The following PDE6B variants were observed in gnomAD, a reference collection of about 807,000 sequenced individuals.
PDE6B encodes the protein rod cGMP-specific 3',5'-cyclic phosphodiesterase subunit beta.
Under a neutral mutation model 109.0 loss-of-function variants are expected in PDE6B, and 106 were observed. The ratio of observed to expected loss-of-function variants is 0.97; its 90% CI spans 0.83 to 1.14. The LOEUF is 1.14. Among genes scored for constraint, PDE6B ranks in the 50% most tolerant of loss-of-function variants. The pLI, the probability that PDE6B is intolerant of heterozygous loss-of-function variation, is 0.00. For synonymous variants in PDE6B, 490 were observed against 471.3 expected (o/e 1.04, Z -0.51); for missense variants, 1,193 against 1,155.6 (o/e 1.03, Z -0.47).
Position 665,297 on chromosome 4 carries a change from T to C in PDE6B, c.2236T>C (p.Leu746=). The change falls in exon 19 of 22, where the codon TTG becomes CTG. Residue 746 remains leucine (L), a synonymous_variant. Coordinates refer to ENST00000496514, the MANE Select transcript of PDE6B (RefSeq NM_000283.4). This position sits in a 1 kb window ranked among gnomAD's most constrained non-coding sequence, Gnocchi z 4.0. The part of the protein sequence containing the change: ...VAAEFWEQGD[L]ERTVLDQQPI... Reference sequence around the variant, plus strand: ...TGCTGAGTTCTGGGAGCAAGGTGACTTGGAAAGGACAGTCTTGGATCAGCA... The same window carrying C: ...TGCTGAGTTCTGGGAGCAAGGTGACCTGGAAAGGACAGTCTTGGATCAGCA... The C allele has an allele frequency of 2.5e-6, 4 of 1,612,772 alleles. No individual in the cohort carries two copies. Among genetic ancestry groups the C allele is most frequent in the Non-Finnish European group, 3.4e-6 (4 of 1,179,484 alleles).
chr4:654,800 C>A (rs201367447), intron 5 of PDE6B, 24 bp from the exon 6 acceptor site: 3 of 1,330,586 alleles, frequency 2.3e-6, no homozygotes, highest in South Asian at 1.2e-5. Context: ...GGCAGCCCCC[C>A]GACCAGTGTC....
In PDE6B at chr4:670,239, ATT is replaced by A. The variant is rs374413250; in HGVS notation, c.*152_*153del. The A allele has an allele frequency of 0.024, 20,556 of 842,924 alleles. No homozygotes were observed. Among genetic ancestry groups the A allele is most frequent in the East Asian group, 0.052 (1,373 of 26,422 alleles). 52.2% of individuals were successfully genotyped at this position (842,924 alleles called of 1,614,324 possible). A position where few individuals can be genotyped will look rare whatever the true frequency, so the allele number is the denominator to read the frequency against. ...ACTGAAGATCATTCTGGATATTTTA[ATT>A]TTTTTTTTTTTTTTTTTTTGAGATG... On this transcript the variant is annotated 3_prime_UTR_variant, in exon 22 of 22. Coordinates refer to ENST00000496514, the MANE Select transcript of PDE6B (RefSeq NM_000283.4).
intron 1 of PDE6B, among the ~76,000 whole-genome samples, chr4:632,248 G>A (rs1734422125): frequency 6.6e-6 from 1 of 151,978 alleles, no homozygotes; most frequent in Non-Finnish European, 1.5e-5. Context: ...GTCATGCTGT[G>A]TGGATCCGTG....
At position 662,732 on chromosome 4, in the gene PDE6B, C is replaced by T. The variant is rs1300332648; in HGVS notation, c.1832+114C>T. Reference sequence around the variant, plus strand: ...GAAAGTGGAGTCCACGGCCAGGCCCCGTACTCCAGCACTGTGGGAGGCCAA... The same window carrying T: ...GAAAGTGGAGTCCACGGCCAGGCCCTGTACTCCAGCACTGTGGGAGGCCAA... On this transcript the variant is annotated intron_variant, in intron 14 of 21. Transcript: ENST00000496514. This position sits in a 1 kb window ranked among gnomAD's most constrained non-coding sequence, Gnocchi z 4.3. 1.3e-5 allele frequency: 10 copies of T among 755,028 alleles called. No individual in the cohort carries two copies. Among genetic ancestry groups the T allele is most frequent in the South Asian group, 1.2e-4 (8 of 68,922 alleles). 46.8% of individuals were successfully genotyped at this position (755,028 alleles called of 1,614,324 possible).
At chr4:641,862 G>A (rs894916490) in intron 3 of PDE6B, among the ~76,000 whole-genome samples, 5 of 152,106 alleles carry the variant, frequency 3.3e-5, no homozygotes, top group Non-Finnish European at 5.9e-5. Flanking sequence ...GGCCAGGCTG[G>A]TCTTAAACTC....
At chr4:651,230 G>A (rs996432754) in intron 3 of PDE6B, among the ~76,000 whole-genome samples, 1 of 148,220 alleles carries the variant, frequency 6.7e-6, no homozygotes, top group South Asian at 2.1e-4. Flanking sequence ...AACGGCAGTG[G>A]GGCCGTCACA....
rs1384500933 is a variant in PDE6B, at chr4:633,193, A to G, written c.469-1484A>G. 2.0e-5 allele frequency among the ~76,000 whole-genome samples: 3 copies of G among 152,036 alleles called. No homozygotes were observed. Among genetic ancestry groups the G allele is most frequent in the Non-Finnish European group, 4.4e-5 (3 of 67,976 alleles). Reference sequence around the variant, plus strand: ...GACGCAGGTGCAGAGATGAGCCCTCAGGGGTTGCAGGTGGTGAGATGAGCC... The same window carrying G: ...GACGCAGGTGCAGAGATGAGCCCTCGGGGGTTGCAGGTGGTGAGATGAGCC... On this transcript the variant is annotated intron_variant, in intron 1 of 21. Transcript: ENST00000496514. The surrounding 1 kb of genome is among the most constrained non-coding windows in gnomAD (Gnocchi z 4.5).
intron 3 of PDE6B, among the ~76,000 whole-genome samples, chr4:649,769 C>T (rs576439220): frequency 6.6e-6 from 1 of 152,318 alleles, no homozygotes; most frequent in East Asian, 1.9e-4. Flanking sequence ...GACTCTGGCC[C>T]TACTCCACTG....
At position 657,134 on chromosome 4, in the gene PDE6B, G is replaced by A. The variant is rs554152601; in HGVS notation, c.1257+111G>A. On this transcript the variant is annotated intron_variant, in intron 9 of 21. Coordinates refer to ENST00000496514, the MANE Select transcript of PDE6B (RefSeq NM_000283.4). The stretch of plus-strand genomic sequence containing the variant: ...TTCGGCTGTGTGCGTGTGCTCATGT[G>A]TGTGCGGTATGCATGCGGCCAGGGA... 84 of 1,270,500 alleles carry A rather than the reference G, an allele frequency of 6.6e-5. No homozygotes were observed. The African/African-American group carries it at 1.1e-3, about 17-fold the overall frequency. 78.7% of individuals were successfully genotyped at this position (1,270,500 alleles called of 1,614,324 possible).
At chr4:635,126 G>A in intron 2 of PDE6B, among the ~76,000 whole-genome samples, 1 of 109,396 alleles carries the variant, frequency 9.1e-6, no homozygotes, top group Non-Finnish European at 1.8e-5. Context: ...CGTGTTCTGT[G>A]CTGCGTGTCT....
At position 662,104 on chromosome 4, in the gene PDE6B, C is replaced by T. The variant is rs372528826; in HGVS notation, c.1615-30C>T. On this transcript the variant is annotated intron_variant, in intron 12 of 21. Coordinates refer to ENST00000496514, the MANE Select transcript of PDE6B (RefSeq NM_000283.4). This position sits in a 1 kb window ranked among gnomAD's most constrained non-coding sequence, Gnocchi z 4.3. ...CTGGCGGGACTTACACGCTTGCCGC[C>T]GGAGCCCTGTGTCCTCTCGGCTCCC... The T allele has an allele frequency of 2.5e-5, 28 of 1,126,200 alleles. No homozygotes were observed. The highest frequency in any genetic ancestry group is 5.9e-5 in the Admixed American group (3 of 50,620). 69.8% of individuals were successfully genotyped at this position (1,126,200 alleles called of 1,614,324 possible). A position where few individuals can be genotyped will look rare whatever the true frequency, so the allele number is the denominator to read the frequency against.
At chr4:658,824 G>A (rs1307521815) in intron 10 of PDE6B, 128 bp from the exon 11 acceptor site, 5 of 727,474 alleles carry the variant, frequency 6.9e-6, no homozygotes, top group Non-Finnish European at 1.2e-5. Context: ...GGCCGCCAGG[G>A]CCTTCCCAGG....
intron 5 of PDE6B, 193 bp downstream of exon 5, chr4:654,347 C>T (rs1372342496): frequency 4.3e-6 from 3 of 693,074 alleles, no homozygotes; most frequent in Non-Finnish European, 7.9e-6. Flanking sequence ...GTGTCCAGGG[C>T]TGGTCCCTGA....
chr4:664,816 A>C lies in PDE6B; in HGVS notation c.2130-65A>C. The C allele has an allele frequency of 2.4e-6, 3 of 1,257,566 alleles. No individual in the cohort carries two copies. The South Asian group carries it at 3.6e-5, about 15-fold the overall frequency. The allele number at this position is 1,257,566 out of a possible 1,614,324, so 77.9% of individuals were successfully genotyped here. On this transcript the variant is annotated intron_variant, in intron 17 of 21. Coordinates refer to ENST00000496514, the MANE Select transcript of PDE6B (RefSeq NM_000283.4). ...GCAAGACTCCATCTCAAAAAAGAAA[A>C]CACATATAAACCACCTGCCCTCAGG...
At position 634,837 on chromosome 4, in the gene PDE6B, T is replaced by TG. The variant is rs756539666; in HGVS notation, c.621+14dup. ...ACCAGCGAAGACGAAGATGTGAGTGTGGGGGGCACCTGGGCAGCCGCGCGT... is the reference window on the plus strand; with the variant it reads ...ACCAGCGAAGACGAAGATGTGAGTGTGGGGGGGCACCTGGGCAGCCGCGCGT... On this transcript the variant is annotated intron_variant, in intron 2 of 21. Transcript: ENST00000496514. 2.5e-6 allele frequency: 4 copies of TG among 1,613,194 alleles called. No homozygotes were observed. Among genetic ancestry groups the TG allele is most frequent in the Admixed American group, 1.7e-5 (1 of 59,996 alleles).
intron 2 of PDE6B, among the ~76,000 whole-genome samples, chr4:635,044 C>T (rs1455930397): frequency 8.7e-6 from 1 of 115,524 alleles, no homozygotes; most frequent in African/African-American, 3.7e-5. Flanking sequence ...GCTGCGCGTC[C>T]ACCTCCTTAC....
At chr4:657,968 A>G (rs1175097261) in intron 10 of PDE6B, among the ~76,000 whole-genome samples, 2 of 106,446 alleles carry the variant, frequency 1.9e-5, no homozygotes, top group African/African-American at 7.4e-5. Flanking sequence ...ATGGCTGTGC[A>G]GCAGAGGCAG....
At chr4:651,109 G>A (rs933342631) in intron 3 of PDE6B, among the ~76,000 whole-genome samples, 1 of 150,184 alleles carries the variant, frequency 6.7e-6, no homozygotes, top group Non-Finnish European at 1.5e-5. Context: ...CAGGGGCTGA[G>A]GTGGCGATGT....
At chr4:651,445 G>A (rs1036130741) in intron 3 of PDE6B, 2 of 153,552 alleles carry the variant, frequency 1.3e-5, no homozygotes, top group East Asian at 3.8e-4. Context: ...AGAGGCCAGA[G>A]CCCGTGCGAA....
Sources: allele counts gnomAD v4.1 joint callset (sites outside exome capture counted in the v4.1 genomes callset), GRCh38; gene constraint gnomAD v4.1.1; non-coding constraint Gnocchi (gnomAD v3.1); transcripts MANE v1.5; gene names NCBI Gene and HGNC (gene_info 2026-07-23, HGNC 2026-07-21).